Variants in PID1 observed in about 807,000 individuals in gnomAD.
PID1 encodes the protein phosphotyrosine interaction domain containing 1, also known as PTB-containing, cubilin and LRP1-interacting protein.
In PID1, 10 loss-of-function variants were observed where a neutral mutation model predicts 19.1. That is an observed-to-expected ratio of 0.52 (90% confidence interval 0.32 to 0.89). The LOEUF (loss-of-function observed/expected upper bound fraction) is 0.89. Among genes scored for constraint, PID1 ranks in the 40% least tolerant of loss-of-function variants. PID1 has a pLI of 0.03. For missense variants in PID1, 248 were observed against 285.3 expected, an observed-to-expected ratio of 0.87 and a Z score of 0.94; for synonymous variants, 130 against 116.0, an observed-to-expected ratio of 1.12 and a Z score of -0.78.
chr2:229,208,383 T>C (rs144131183), intron 1 of PID1, among the ~76,000 whole-genome samples: 2 of 152,346 alleles, frequency 1.3e-5, no homozygotes, highest in Non-Finnish European at 2.9e-5. Context: ...TGGATATGTA[T>C]AGAATCCAAG....
At chr2:229,059,758 T>C (rs977326758) in intron 2 of PID1, among the ~76,000 whole-genome samples, 2 of 152,162 alleles carry the variant, frequency 1.3e-5, no homozygotes, top group Non-Finnish European at 2.9e-5. Flanking sequence ...TTAAATGACA[T>C]TTTTACCTCA....
chr2:229,123,903 G>A (rs1293158072), intron 2 of PID1, among the ~76,000 whole-genome samples: 1 of 151,932 alleles, frequency 6.6e-6, no homozygotes, highest in African/African-American at 2.4e-5. Flanking sequence ...ATATATTCTG[G>A]ATACAAGTTC....
At chr2:229,146,792 G>A (rs1417682085) in intron 2 of PID1, among the ~76,000 whole-genome samples, 1 of 152,092 alleles carries the variant, frequency 6.6e-6, no homozygotes, top group East Asian at 1.9e-4. Context: ...GAAAGCAGAG[G>A]GAGGTTTGAT....
intron 1 of PID1, among the ~76,000 whole-genome samples, chr2:229,172,897 G>A (rs978524741): frequency 8.6e-5 from 13 of 151,902 alleles, no homozygotes; most frequent in African/African-American, 2.7e-4. Flanking sequence ...ATGCCCGGCT[G>A]ATTTTTTGTA....
At chr2:229,253,607 A>C (rs1018362724) in intron 1 of PID1, among the ~76,000 whole-genome samples, 1 of 152,064 alleles carries the variant, frequency 6.6e-6, no homozygotes, top group South Asian at 2.1e-4. Flanking sequence ...AAAAAAAAAA[A>C]AAATTGCACC....
rs182639777 is a variant in PID1, at chr2:229,045,545, C to A, written c.178-19437G>T. 1.9e-3 allele frequency among the ~76,000 whole-genome samples: 293 copies of A among 152,290 alleles called. 7 individuals are homozygous for A. The highest frequency in any genetic ancestry group is 0.018 in the Admixed American group (275 of 15,290). The stretch of plus-strand genomic sequence containing the variant: ...GTTCAAGGTTTCTGGGCTTTCAGGG[C>A]TCTGCTATCACAGGTGGCAGTGATG... On this transcript the variant is annotated intron_variant, in intron 2 of 2. Transcript: ENST00000392055.
chr2:229,139,130 A>AGCG (rs1689952898), intron 2 of PID1, among the ~76,000 whole-genome samples: 1 of 118,024 alleles, frequency 8.5e-6, no homozygotes, highest in African/African-American at 3.2e-5. Context: ...AGAAAGAAAG[A>AGCG]AAGAAAGAAA....
intron 1 of PID1, among the ~76,000 whole-genome samples, chr2:229,189,062 G>A (rs1172154941): frequency 6.6e-6 from 1 of 152,164 alleles, no homozygotes; most frequent in Non-Finnish European, 1.5e-5. Context: ...ATCATGAGAA[G>A]AACTCGTGAA....
intron 1 of PID1, chr2:229,228,174 G>A (rs936835607): frequency 5.1e-5 from 20 of 388,910 alleles, no homozygotes; most frequent in South Asian, 1.7e-4. Context: ...AAATAAAACC[G>A]ATACAAGCAA....
intron 2 of PID1, among the ~76,000 whole-genome samples, chr2:229,138,241 T>C (rs1426825051): frequency 3.3e-5 from 5 of 152,172 alleles, no homozygotes; most frequent in Non-Finnish European, 5.9e-5. Flanking sequence ...GATACTCACA[T>C]CACCAGGTGT....
chr2:229,141,652 A>G (rs76634673), intron 2 of PID1, among the ~76,000 whole-genome samples: 1 of 149,476 alleles, frequency 6.7e-6, no homozygotes, highest in Non-Finnish European at 1.5e-5. Context: ...TGGGGGGGGA[A>G]CTAATTTCAG....
chr2:229,145,123 A>G (rs1005241332), intron 2 of PID1, among the ~76,000 whole-genome samples: 1 of 144,580 alleles, frequency 6.9e-6, no homozygotes, highest in African/African-American at 2.6e-5. Flanking sequence ...TAAGAATGAC[A>G]TAACGAATGC....
intron 1 of PID1, among the ~76,000 whole-genome samples, chr2:229,211,204 A>T (rs1392815269): frequency 1.3e-5 from 2 of 152,202 alleles, no homozygotes; most frequent in South Asian, 2.1e-4. Flanking sequence ...AGCACAAATC[A>T]GAGTGGAGCA....
At chr2:229,112,075 A>G (rs1033814938) in intron 2 of PID1, among the ~76,000 whole-genome samples, 1 of 152,356 alleles carries the variant, frequency 6.6e-6, no homozygotes, top group East Asian at 1.9e-4. Flanking sequence ...ATTGGATAGC[A>G]TGTGATGGCT....
intron 2 of PID1, among the ~76,000 whole-genome samples, chr2:229,061,464 T>G (rs1694210694): frequency 6.6e-6 from 1 of 152,060 alleles, no homozygotes; most frequent in South Asian, 2.1e-4. Flanking sequence ...CATTAGCCAA[T>G]GTATCTCTTT....
At chr2:229,222,700 A>G (rs561738295) in intron 1 of PID1, among the ~76,000 whole-genome samples, 1 of 152,306 alleles carries the variant, frequency 6.6e-6, no homozygotes, top group South Asian at 2.1e-4. Flanking sequence ...GGAAAGAATT[A>G]CTGTCTCCAC....
rs371394911 is a variant in PID1 at position 229,177,262 on chromosome 2, G to A, written c.31-21298C>T. 2.2e-4 allele frequency among the ~76,000 whole-genome samples: 33 copies of A among 152,130 alleles called. No homozygotes were observed. In the South Asian group the frequency reaches 4.4e-3, roughly 20 times the overall value. ...GAGTAGGGACACAGCCAACCATATC[G>A]CCTCCCAAGCCCCAGTTTGTTCATC... On this transcript the variant is annotated intron_variant, in intron 1 of 2. Transcript: ENST00000392055.
At chr2:229,182,589 G>A (rs376017116) in intron 1 of PID1, among the ~76,000 whole-genome samples, 18 of 152,022 alleles carry the variant, frequency 1.2e-4, no homozygotes, top group African/African-American at 4.1e-4. Context: ...ACCAGACAGG[G>A]ACCTCAGCCC....
At chr2:229,162,839 C>G (rs1468611724) in intron 1 of PID1, among the ~76,000 whole-genome samples, 2 of 152,138 alleles carry the variant, frequency 1.3e-5, no homozygotes, top group African/African-American at 4.8e-5. Context: ...CATAGTGACA[C>G]TTTTTTGTGA....
Sources: gnomAD v4.1 joint callset for allele counts (sites outside exome capture counted in the v4.1 genomes callset) on GRCh38, gnomAD v4.1.1 for gene constraint, MANE v1.5 for transcripts, NCBI Gene and HGNC (gene_info 2026-07-23, HGNC 2026-07-21) for gene names.